The following ATXN7L1 variants were observed in gnomAD, a reference collection of about 807,000 sequenced individuals.
ATXN7L1 encodes ataxin 7 like 1, also known as ataxin-7-like protein 1.
In ATXN7L1, 15 loss-of-function variants were observed where a neutral mutation model predicts 70.8. That is an observed-to-expected ratio of 0.21 (90% CI 0.14 to 0.33). The LOEUF is 0.33. Among genes scored for constraint, ATXN7L1 ranks in the 10% least tolerant of loss-of-function variants. The probability of loss-of-function intolerance (pLI) is 1.00; values close to 1 mark genes in which losing one functional copy is unlikely to be tolerated. For synonymous variants in ATXN7L1, 440 were observed against 445.1 expected, an observed-to-expected ratio of 0.99 and a Z score of 0.14; for missense variants, 975 against 1,097.1, an observed-to-expected ratio of 0.89 and a Z score of 1.57.
intron 3 of ATXN7L1, among the ~76,000 whole-genome samples, chr7:105,714,075 C>T (rs1687146958): frequency 6.6e-6 from 1 of 152,246 alleles, no homozygotes. Flanking sequence ...TAGCTTAGCT[C>T]ATCTAATCTC....
chr7:105,836,071 G>A (rs1278145825), intron 2 of ATXN7L1, among the ~76,000 whole-genome samples: 1 of 152,178 alleles, frequency 6.6e-6, no homozygotes, highest in Admixed American at 6.5e-5. Flanking sequence ...GGCACGCGCT[G>A]CATCCCCAGA....
chr7:105,747,844 G>A (rs1798751250), intron 3 of ATXN7L1, among the ~76,000 whole-genome samples: 1 of 151,492 alleles, frequency 6.6e-6, no homozygotes, highest in Admixed American at 6.6e-5. Context: ...CTGTTGGCCG[G>A]GTGTGGTGGC....
In ATXN7L1 at chr7:105,665,176, G is replaced by T. The variant is rs1347422322; in HGVS notation, c.468C>A (p.His156Gln). The T allele has an allele frequency of 6.4e-7, 1 of 1,551,632 alleles. No homozygotes were observed. The highest frequency in any genetic ancestry group is 1.4e-5 in the African/African-American group (1 of 73,044). The change falls in exon 4 of 12, where the codon CAC becomes CAA. Residue 156 changes from histidine to glutamine, a missense_variant. Transcript: ENST00000419735. Reference sequence around the variant, plus strand: ...ATGGCTTTGAGGTGCTGCTGGCAGAGTGATGGCCGCTGAGACAGGCTTTTG... The same window carrying T: ...ATGGCTTTGAGGTGCTGCTGGCAGATTGATGGCCGCTGAGACAGGCTTTTG... The part of the protein sequence containing the change: ...VKTKACLSGH[H>Q]SASSTSKPFK...
chr7:105,853,547 C>T (rs770188275), intron 2 of ATXN7L1, among the ~76,000 whole-genome samples: 2 of 151,492 alleles, frequency 1.3e-5, no homozygotes, highest in South Asian at 2.1e-4. Context: ...GAGCAAGACT[C>T]GGTCTCAAAA....
At chr7:105,869,400 A>G (rs753098543) in intron 2 of ATXN7L1, among the ~76,000 whole-genome samples, 7 of 152,224 alleles carry the variant, frequency 4.6e-5, no homozygotes, top group Non-Finnish European at 8.8e-5. Flanking sequence ...ATAATGATAA[A>G]GGGAAGCTGT....
intron 3 of ATXN7L1, among the ~76,000 whole-genome samples, chr7:105,785,975 T>C (rs1415529674): frequency 1.3e-5 from 2 of 152,216 alleles, no homozygotes; most frequent in African/African-American, 4.8e-5. Flanking sequence ...TAGACAATCA[T>C]GAAGCTATTG....
intron 3 of ATXN7L1, among the ~76,000 whole-genome samples, chr7:105,690,802 C>T (rs1213688413): frequency 1.3e-5 from 2 of 152,140 alleles, no homozygotes; most frequent in African/African-American, 2.4e-5. Flanking sequence ...ACAAGCACGG[C>T]AATTTTTAGC....
intron 3 of ATXN7L1, among the ~76,000 whole-genome samples, chr7:105,771,207 A>AATG (rs1192594847): frequency 7.9e-6 from 1 of 126,132 alleles, no homozygotes; most frequent in Admixed American, 9.5e-5. Context: ...CTCTGATAAT[A>AATG]ATAATAATAA....
intron 2 of ATXN7L1, among the ~76,000 whole-genome samples, chr7:105,803,856 G>A (rs1807179627): frequency 6.6e-6 from 1 of 152,180 alleles, no homozygotes; most frequent in South Asian, 2.1e-4. Context: ...TCAGGGGTGA[G>A]AATCATGTGC....
intron 2 of ATXN7L1, among the ~76,000 whole-genome samples, chr7:105,841,531 A>G (rs949042045): frequency 1.3e-5 from 2 of 152,172 alleles, no homozygotes; most frequent in Admixed American, 1.3e-4. Flanking sequence ...CACCTGGGAT[A>G]TGAATCATCC....
intron 2 of ATXN7L1, among the ~76,000 whole-genome samples, chr7:105,810,573 G>T (rs1808285437): frequency 6.6e-6 from 1 of 152,226 alleles, no homozygotes; most frequent in African/African-American, 2.4e-5. Flanking sequence ...AGATTGTGAG[G>T]CTGGAGCACA....
chr7:105,841,213 G>C (rs1813161331), intron 2 of ATXN7L1, among the ~76,000 whole-genome samples: 1 of 152,174 alleles, frequency 6.6e-6, no homozygotes, highest in Non-Finnish European at 1.5e-5. Context: ...AGGCCACATG[G>C]AGCAGAGCAT....
At chr7:105,848,648 T>C (rs1214611181) in intron 2 of ATXN7L1, among the ~76,000 whole-genome samples, 1 of 152,232 alleles carries the variant, frequency 6.6e-6, no homozygotes, top group African/African-American at 2.4e-5. Context: ...CACTGGTTAA[T>C]TCCAGATGAC....
intron 2 of ATXN7L1, among the ~76,000 whole-genome samples, chr7:105,818,178 T>G (rs545768264): frequency 7.1e-4 from 108 of 152,180 alleles, no homozygotes; most frequent in South Asian, 2.5e-3. Flanking sequence ...AAAAAAAAAT[T>G]TTTTTTTGAG....
intron 3 of ATXN7L1, among the ~76,000 whole-genome samples, chr7:105,754,907 G>A (rs1321016233): frequency 2.6e-5 from 4 of 152,218 alleles, no homozygotes; most frequent in Non-Finnish European, 5.9e-5. Context: ...TCCCAAACAT[G>A]ACTTGAGTTT....
chr7:105,836,854 T>C (rs996044953), intron 2 of ATXN7L1, among the ~76,000 whole-genome samples: 1 of 152,110 alleles, frequency 6.6e-6, no homozygotes, highest in South Asian at 2.1e-4. Context: ...GGTCAGGAGT[T>C]TGAGACCAGC....
chr7:105,736,414 T>C lies in ATXN7L1; in HGVS notation c.355+52190A>G, dbSNP rs551433902. Among the ~76,000 whole-genome samples, 20 of 152,322 alleles carry C rather than the reference T, an allele frequency of 1.3e-4. No homozygotes were observed. In the South Asian group the frequency reaches 3.9e-3, roughly 30 times the overall value. On this transcript the variant is annotated intron_variant, in intron 3 of 11. Transcript: ENST00000419735. ...CTCTCTGGGTTTTCCTGGCCTTCTT[T>C]TGCAGCAGGCAAGGTTGCTGGCTCA...
intron 3 of ATXN7L1, among the ~76,000 whole-genome samples, chr7:105,724,573 CAA>C (rs573733959): frequency 8.7e-4 from 70 of 80,434 alleles, no homozygotes; most frequent in African/African-American, 2.4e-3. Flanking sequence ...GACTCTGTCT[CAA>C]AAAAAAAAAA....
chr7:105,677,235 A>C (rs1804821881), intron 3 of ATXN7L1, among the ~76,000 whole-genome samples: 1 of 152,196 alleles, frequency 6.6e-6, no homozygotes, highest in African/African-American at 2.4e-5. Flanking sequence ...TGCCGACCAA[A>C]CATGCTGTCT....
Sources: gnomAD v4.1 joint callset for allele counts (sites outside exome capture counted in the v4.1 genomes callset) on GRCh38, gnomAD v4.1.1 for gene constraint, MANE v1.5 for transcripts, NCBI Gene and HGNC (gene_info 2026-07-23, HGNC 2026-07-21) for gene names.